The following KLHDC10 variants were observed in gnomAD, a reference collection of about 807,000 sequenced individuals.
The protein encoded by KLHDC10 is kelch domain-containing protein 10.
Under a neutral mutation model 56.1 loss-of-function variants are expected in KLHDC10, and 24 were observed. The ratio of observed to expected loss-of-function variants is 0.43; its 90% CI spans 0.31 to 0.60. The LOEUF (loss-of-function observed/expected upper bound fraction) is 0.60, where lower values mean the gene tolerates loss of function less well. Among genes scored for constraint, KLHDC10 ranks in the 20% least tolerant of loss-of-function variants. The pLI is 0.11. For synonymous variants in KLHDC10, 188 were observed against 207.1 expected (o/e 0.91, Z 0.79); for missense variants, 349 against 567.0 (o/e 0.62, Z 3.91).
chr7:130,080,321 GA>G (rs1312704834), intron 1 of KLHDC10, among the ~76,000 whole-genome samples: 3 of 152,100 alleles, frequency 2.0e-5, no homozygotes, highest in Middle Eastern at 3.2e-3. Flanking sequence ...AATTCCCCAT[GA>G]AGTCATTTGG....
rs1795393278 is a variant in KLHDC10, at chr7:130,070,695, G to A, written c.52G>A (p.Ala18Thr). 3 of 1,299,536 alleles carry A rather than the reference G, an allele frequency of 2.3e-6. No individual in the cohort carries two copies. The highest frequency in any genetic ancestry group is 2.9e-6 in the Non-Finnish European group (3 of 1,019,288). 80.5% of individuals were successfully genotyped at this position (1,299,536 alleles called of 1,614,324 possible). A position where few individuals can be genotyped will look rare whatever the true frequency, so the allele number is the denominator to read the frequency against. Residue 18 changes from alanine to threonine, a missense_variant, in exon 1 of 10, where the codon GCC (alanine) becomes ACC (threonine). Transcript: ENST00000335420. Reference sequence around the variant, plus strand: ...GAACCGCCGGAGGGGAGGAGGCGCCGCCGGCGCTGGTGGCGGAGGTAGCGG... The same window carrying A: ...GAACCGCCGGAGGGGAGGAGGCGCCACCGGCGCTGGTGGCGGAGGTAGCGG... Reference protein sequence around the residue: ...DRNRRRGGGAAGAGGGGSGAG... With the variant: ...DRNRRRGGGATGAGGGGSGAG...
intron 2 of KLHDC10, among the ~76,000 whole-genome samples, chr7:130,103,461 A>G (rs1375354929): frequency 6.6e-6 from 1 of 151,742 alleles, no homozygotes; most frequent in Non-Finnish European, 1.5e-5. Flanking sequence ...TATAAAGGGC[A>G]TGCCTTTCAT....
intron 2 of KLHDC10, among the ~76,000 whole-genome samples, chr7:130,099,563 C>T (rs1795901189): frequency 6.6e-6 from 1 of 152,074 alleles, no homozygotes; most frequent in Non-Finnish European, 1.5e-5. Flanking sequence ...TAGGTGTCAG[C>T]AAAGGAGGGT....
At chr7:130,102,176 T>G (rs192203563) in intron 2 of KLHDC10, among the ~76,000 whole-genome samples, 97 of 152,226 alleles carry the variant, frequency 6.4e-4, no homozygotes, top group African/African-American at 2.1e-3. Context: ...CAAACTGCTT[T>G]CTTTTTCTCC....
intron 5 of KLHDC10, among the ~76,000 whole-genome samples, chr7:130,123,892 T>G (rs899283847): frequency 2.6e-5 from 4 of 152,192 alleles, no homozygotes; most frequent in Non-Finnish European, 5.9e-5. Context: ...TTCTGAGGTG[T>G]TTTATGTTAT....
In KLHDC10 at chr7:130,134,308, A is replaced by G. The variant is rs1050110152; in HGVS notation, c.*3562A>G. 1.3e-5 allele frequency: 2 copies of G among 152,218 alleles called. No homozygotes were observed. Among genetic ancestry groups the G allele is most frequent in the Non-Finnish European group, 2.9e-5 (2 of 68,042 alleles). 9.4% of individuals were successfully genotyped at this position (152,218 alleles called of 1,614,324 possible). A position where few individuals can be genotyped will look rare whatever the true frequency, so the allele number is the denominator to read the frequency against. On this transcript the variant is annotated 3_prime_UTR_variant, in exon 10 of 10. Coordinates refer to ENST00000335420, the MANE Select transcript of KLHDC10 (RefSeq NM_014997.4). Reference sequence around the variant, plus strand: ...TTGCCTGTAATTAGTCAGGCTGAACAATTAGAGTTGAATGCTGAAATTAGG... The same window carrying G: ...TTGCCTGTAATTAGTCAGGCTGAACGATTAGAGTTGAATGCTGAAATTAGG...
In KLHDC10 at chr7:130,131,975, TATC is replaced by T. The variant is rs1796407364; in HGVS notation, c.*1232_*1234del. On this transcript the variant is annotated 3_prime_UTR_variant, in exon 10 of 10. Transcript: ENST00000335420. ...AGGTCATCCTTCCTGAAGAACCAAG[TATC>T]ATTTAAAAACTAGCATGAGGAAGGA... is the stretch of plus-strand genomic sequence containing the variant. 1 of 152,172 alleles carries T rather than the reference TATC, an allele frequency of 6.6e-6. No individual in the cohort carries two copies. Among genetic ancestry groups the T allele is most frequent in the African/African-American group, 2.4e-5 (1 of 41,444 alleles). 9.4% of individuals were successfully genotyped at this position (152,172 alleles called of 1,614,324 possible). A position where few individuals can be genotyped will look rare whatever the true frequency, so the allele number is the denominator to read the frequency against.
At position 130,134,252 on chromosome 7, in the gene KLHDC10, G is replaced by A. The variant is rs1020998046; in HGVS notation, c.*3506G>A. The A allele has an allele frequency of 6.6e-6, 1 of 152,212 alleles. No individual in the cohort carries two copies. Among genetic ancestry groups the A allele is most frequent in the Admixed American group, 6.5e-5 (1 of 15,280 alleles). 9.4% of individuals were successfully genotyped at this position (152,212 alleles called of 1,614,324 possible). On this transcript the variant is annotated 3_prime_UTR_variant, in exon 10 of 10. Transcript: ENST00000335420. ...AAAGGAAAAGGAATAATCAGTAGGA[G>A]CTGACAACCAGTGACCATATAAGCA...
In KLHDC10 at chr7:130,070,551, C is replaced by G. The variant is rs1795389627; in HGVS notation, c.-93C>G. On this transcript the variant is annotated 5_prime_UTR_variant, in exon 1 of 10. Coordinates refer to ENST00000335420, the MANE Select transcript of KLHDC10 (RefSeq NM_014997.4). ...CGGGCGCTGCCCCCTTCCCCTGTCT[C>G]CTGGGTCTCTGGAGGAGCCCAGGAA... 2 of 1,202,092 alleles carry G rather than the reference C, an allele frequency of 1.7e-6. No individual in the cohort carries two copies. Among genetic ancestry groups the G allele is most frequent in the African/African-American group, 1.5e-5 (1 of 64,538 alleles). 74.5% of individuals were successfully genotyped at this position (1,202,092 alleles called of 1,614,324 possible).
At position 130,116,285 on chromosome 7, in the gene KLHDC10, A is replaced by G. The variant is rs554392371; in HGVS notation, c.254-160A>G. On this transcript the variant is annotated intron_variant, in intron 2 of 9. Transcript: ENST00000335420. This position sits in a 1 kb window ranked among gnomAD's most constrained non-coding sequence, Gnocchi z 4.8. The stretch of plus-strand genomic sequence containing the variant: ...GTATATGTGCATAAGAAGTATTATT[A>G]GGAAGTATATCCATGTTATAAATCT... 1.3e-5 allele frequency among the ~76,000 whole-genome samples: 2 copies of G among 152,362 alleles called. No individual in the cohort carries two copies. The highest frequency in any genetic ancestry group is 2.9e-5 in the Non-Finnish European group (2 of 68,038).
At chr7:130,091,613 C>T (rs1795774114) in intron 1 of KLHDC10, among the ~76,000 whole-genome samples, 1 of 152,158 alleles carries the variant, frequency 6.6e-6, no homozygotes, top group South Asian at 2.1e-4. Flanking sequence ...TATCCTTCAT[C>T]TGAATAAGAC....
intron 1 of KLHDC10, among the ~76,000 whole-genome samples, chr7:130,077,369 A>AAC (rs1795522493): frequency 6.7e-6 from 1 of 148,600 alleles, no homozygotes; most frequent in Non-Finnish European, 1.5e-5. Context: ...AAAAAAAAAA[A>AAC]AAAAAAAAAA....
chr7:130,123,592 C>T (rs978933231), intron 5 of KLHDC10, among the ~76,000 whole-genome samples: 2 of 152,088 alleles, frequency 1.3e-5, no homozygotes, highest in Admixed American at 1.3e-4. Flanking sequence ...AATCCAGTGC[C>T]TCTTTGTTGC....
intron 2 of KLHDC10, among the ~76,000 whole-genome samples, chr7:130,106,072 C>T (rs1796003686): frequency 6.6e-6 from 1 of 152,120 alleles, no homozygotes; most frequent in Non-Finnish European, 1.5e-5. Context: ...TCGCTTGAAC[C>T]TGGGAGGCGG....
intron 2 of KLHDC10, among the ~76,000 whole-genome samples, chr7:130,099,700 G>A (rs1446234019): frequency 6.6e-6 from 1 of 152,192 alleles, no homozygotes; most frequent in Non-Finnish European, 1.5e-5. Flanking sequence ...AAAGAGGCTG[G>A]AGAGGGCCCA....
At chr7:130,109,629 A>C (rs766475888) in intron 2 of KLHDC10, among the ~76,000 whole-genome samples, 9 of 151,678 alleles carry the variant, frequency 5.9e-5, no homozygotes, top group Non-Finnish European at 1.0e-4. Flanking sequence ...CCACTATCCT[A>C]ATAATGTTCT....
intron 2 of KLHDC10, among the ~76,000 whole-genome samples, chr7:130,109,669 C>G (rs1200082761): frequency 1.3e-5 from 2 of 151,784 alleles, no homozygotes; most frequent in Non-Finnish European, 2.9e-5. Context: ...GACGGAGTCT[C>G]ACTCTGTTGC....
At chr7:130,088,005 C>A (rs1374750109) in intron 1 of KLHDC10, among the ~76,000 whole-genome samples, 3 of 152,026 alleles carry the variant, frequency 2.0e-5, no homozygotes, top group African/African-American at 4.8e-5. Flanking sequence ...AAGTGATCCA[C>A]CTGCCTCGGC....
intron 2 of KLHDC10, among the ~76,000 whole-genome samples, chr7:130,107,376 C>T (rs1436002079): frequency 6.6e-6 from 1 of 152,116 alleles, no homozygotes; most frequent in Non-Finnish European, 1.5e-5. Context: ...ATAACTAATA[C>T]TAGAGTTCAG....
Sources: gnomAD v4.1 joint callset for allele counts (sites outside exome capture counted in the v4.1 genomes callset) on GRCh38, gnomAD v4.1.1 for gene constraint, Gnocchi (gnomAD v3.1) non-coding constraint, MANE v1.5 for transcripts, NCBI Gene and HGNC (gene_info 2026-07-23, HGNC 2026-07-21) for gene names.